Variants in UTP20 observed in about 807,000 individuals in gnomAD.
The protein encoded by UTP20 is small subunit processome component 20 homolog.
UTP20 carries 164 observed loss-of-function variants against 329.5 expected under a neutral mutation model. That is an observed-to-expected ratio of 0.50 (90% CI 0.44 to 0.57). The LOEUF (loss-of-function observed/expected upper bound fraction) is 0.57, where lower values mean the gene tolerates loss of function less well. Ranked by LOEUF, UTP20 falls within the 20% of genes least tolerant of loss-of-function variation. The pLI is 0.00. For synonymous variants in UTP20, 1,151 were observed against 1,159.3 expected, an observed-to-expected ratio of 0.99 and a Z score of 0.14; for missense variants, 3,055 against 3,284.2, an observed-to-expected ratio of 0.93 and a Z score of 1.71.
intron 21 of UTP20, among the ~76,000 whole-genome samples, chr12:101,315,715 G>A (rs989129805): frequency 6.6e-6 from 1 of 152,110 alleles, no homozygotes; most frequent in Non-Finnish European, 1.5e-5. Context: ...TGTTTTGAGG[G>A]TTATATAAAA....
At chr12:101,358,892 C>T (rs1252205118) in intron 43 of UTP20, among the ~76,000 whole-genome samples, 1 of 152,124 alleles carries the variant, frequency 6.6e-6, no homozygotes, top group Non-Finnish European at 1.5e-5. Context: ...TGTTGTCCCC[C>T]TCTTACTAAT....
Position 101,319,718 on chromosome 12 carries a change from A to C in UTP20, c.2829+83A>C, listed in dbSNP as rs546289698. 2.6e-6 allele frequency: 3 copies of C among 1,165,714 alleles called. No individual in the cohort carries two copies. The East Asian group carries it at 7.5e-5, about 29-fold the overall frequency. The allele number at this position is 1,165,714 out of a possible 1,614,324, so 72.2% of individuals were successfully genotyped here. ...CTTTGTCAGAGTAGCTTAGATTTTC[A>C]ATAATTGCTGAATAGGGCCCATGTC... On this transcript the variant is annotated intron_variant, in intron 23 of 61. Transcript: ENST00000261637.
At chr12:101,344,801 T>C in intron 36 of UTP20, 51 bp downstream of exon 36, 1 of 1,552,808 alleles carries the variant, frequency 6.4e-7, no homozygotes. Context: ...TGTTTTGTTT[T>C]GTTTTCCCAC....
At chr12:101,318,282 AGT>A (rs1185321623) in intron 22 of UTP20, among the ~76,000 whole-genome samples, 1 of 152,200 alleles carries the variant, frequency 6.6e-6, no homozygotes, top group Non-Finnish European at 1.5e-5. Flanking sequence ...GTCTGAATTG[AGT>A]GTCTCAGGTC....
At chr12:101,309,928 T>A in intron 19 of UTP20, 89 bp downstream of exon 19, 1 of 1,158,854 alleles carries the variant, frequency 8.6e-7, no homozygotes, top group Non-Finnish European at 1.3e-6. Flanking sequence ...GGGTGTGATT[T>A]AAATGAATGG....
chr12:101,345,505 A>G, intron 36 of UTP20, 49 bp from the exon 37 acceptor site: 1 of 1,237,322 alleles, frequency 8.1e-7, no homozygotes, highest in South Asian at 1.7e-5. Flanking sequence ...CATATTAGAA[A>G]CAAATTCTTT....
chr12:101,344,406 T>A (rs6538985), intron 35 of UTP20, among the ~76,000 whole-genome samples, 189 bp from the exon 36 acceptor site: 65,847 of 152,130 alleles, frequency 0.43, 18,614 homozygotes, highest in East Asian at 0.92. Context: ...TTTTTCAGCC[T>A]TTTACAGTAT....
At chr12:101,358,677 G>A (rs1424570899) in intron 43 of UTP20, among the ~76,000 whole-genome samples, 1 of 152,080 alleles carries the variant, frequency 6.6e-6, no homozygotes, top group Admixed American at 6.5e-5. Flanking sequence ...CTTTTTAGCT[G>A]TTTAGTTCTT....
At chr12:101,285,721 A>G (rs779870573) in intron 3 of UTP20, 28 bp from the exon 4 acceptor site, 58 of 1,613,174 alleles carry the variant, frequency 3.6e-5, no homozygotes, top group Non-Finnish European at 4.9e-5. Flanking sequence ...GTGATAGAAA[A>G]GAACATATTT....
intron 43 of UTP20, among the ~76,000 whole-genome samples, chr12:101,360,546 C>T (rs573516207): frequency 2.0e-5 from 3 of 152,148 alleles, no homozygotes; most frequent in South Asian, 2.1e-4. Flanking sequence ...AAGTAGGGGC[C>T]GAATGCTGTG....
At position 101,375,652 on chromosome 12, in the gene UTP20, C is replaced by T; in HGVS notation, c.7292C>T (p.Ala2431Val). The T allele has an allele frequency of 1.2e-6, 2 of 1,611,198 alleles. No individual in the cohort carries two copies. Among genetic ancestry groups the T allele is most frequent in the Non-Finnish European group, 1.7e-6 (2 of 1,179,116 alleles). Residue 2431 changes from alanine to valine, a missense_variant, in exon 56 of 62, where the codon GCA becomes GTA. Around this residue, in one of 3 missense-constraint regions of UTP20, gnomAD observed 273 missense variants for 363.1 expected, o/e 0.75. Transcript: ENST00000261637. ...ATGGAAGAAACTGAAGAAAAAGCTG[C>T]AGATCGCCTTCTGTTTAGTTTTCTT... ...DIMEETEEKA[A>V]DRLLFSFLTL...
Position 101,299,998 on chromosome 12 carries a change from C to A in UTP20, c.1612C>A (p.Pro538Thr), listed in dbSNP as rs753959114. The change falls in exon 14 of 62, where the codon CCA becomes ACA. Residue 538 changes from proline (P) to threonine (T), a missense_variant. Physicochemically the swap from Pro to Thr is conservative, Grantham distance 38 (BLOSUM62 -1). Around this residue, in one of 3 missense-constraint regions of UTP20, gnomAD observed 2,445 missense variants for 2,575.5 expected, o/e 0.95. Transcript: ENST00000261637. ...ACCTCTTGAGAAAGAGAAGGTGATA[C>A]CACTCGTCACCGGCTTCATAGAGGC... The part of the protein sequence containing the change: ...IRPLEKEKVI[P>T]LVTGFIEALF... The A allele has an allele frequency of 1.9e-6, 3 of 1,614,142 alleles. No homozygotes were observed. The South Asian group carries it at 3.3e-5, about 18-fold the overall frequency.
chr12:101,316,437 G>A (rs949144022), intron 21 of UTP20, among the ~76,000 whole-genome samples: 5 of 152,212 alleles, frequency 3.3e-5, no homozygotes, highest in African/African-American at 9.7e-5. Flanking sequence ...GGATGATGGT[G>A]CAGTTTGTAA....
At chr12:101,349,661 G>A (rs1377414976) in intron 38 of UTP20, among the ~76,000 whole-genome samples, 32 of 151,992 alleles carry the variant, frequency 2.1e-4, no homozygotes, top group Admixed American at 1.8e-3. Context: ...GGCTGGTCTC[G>A]AACTCCTGAC....
intron 11 of UTP20, among the ~76,000 whole-genome samples, chr12:101,294,181 A>G (rs7953723): frequency 0.58 from 87,920 of 151,462 alleles, 28,087 homozygotes; most frequent in East Asian, 0.94. Flanking sequence ...GACTACAGGC[A>G]CCCACCACCA....
intron 54 of UTP20, among the ~76,000 whole-genome samples, chr12:101,374,355 T>G (rs1331817086): frequency 6.6e-6 from 1 of 152,272 alleles, no homozygotes; most frequent in African/African-American, 2.4e-5. Flanking sequence ...CTCCTAATGA[T>G]GAATACCTTT....
chr12:101,378,409 C>G (rs998124135), intron 56 of UTP20, among the ~76,000 whole-genome samples: 2 of 152,068 alleles, frequency 1.3e-5, no homozygotes, highest in Non-Finnish European at 1.5e-5. Context: ...TATATACATA[C>G]TTACATTACT....
intron 12 of UTP20, among the ~76,000 whole-genome samples, chr12:101,298,774 T>C (rs1017054705): frequency 1.3e-5 from 2 of 152,188 alleles, no homozygotes; most frequent in Admixed American, 6.5e-5. Flanking sequence ...ATAATTAAAT[T>C]AACTTAGTTA....
In UTP20 at chr12:101,312,130, T is replaced by G; in HGVS notation, c.2406T>G (p.His802Gln). The change falls in exon 21 of 62, where the codon CAT becomes CAG. Residue 802 changes from histidine to glutamine, a missense_variant. This residue lies in a region of UTP20 where 2,445 missense variants were observed against 2,575.5 expected (regional missense o/e 0.95). Transcript: ENST00000261637. ...AAGGAGATGTTGGAGCTCTTTATCA[T>G]GAGCAGTTAGCATTGAAAACTGACT... ...TQEGDVGALY[H>Q]EQLALKTDCQ... 1 of 1,614,238 alleles carries G rather than the reference T, an allele frequency of 6.2e-7. No homozygotes were observed. Among genetic ancestry groups the G allele is most frequent in the Non-Finnish European group, 8.5e-7 (1 of 1,180,038 alleles).
Sources: gnomAD v4.1 joint callset for allele counts (sites outside exome capture counted in the v4.1 genomes callset) on GRCh38, gnomAD v4.1.1 for gene constraint, gnomAD v4.1.1 regional missense constraint, MANE v1.5 for transcripts, NCBI Gene and HGNC (gene_info 2026-07-23, HGNC 2026-07-21) for gene names.